Variants in UBAC2 observed in about 807,000 individuals in gnomAD.
UBAC2 encodes the protein ubiquitin-associated domain-containing protein 2.
In UBAC2, 26 loss-of-function variants were observed where a neutral mutation model predicts 44.0. The ratio of observed to expected loss-of-function variants is 0.59; its 90% CI spans 0.43 to 0.82. The LOEUF is 0.82. UBAC2 is among the 40% of genes least tolerant of loss of function. The probability of loss-of-function intolerance (pLI) is 0.00; values close to 1 mark genes in which losing one functional copy is unlikely to be tolerated. For synonymous variants in UBAC2, 155 were observed against 154.3 expected (o/e 1.00, Z -0.04); for missense variants, 329 against 419.4 (o/e 0.78, Z 1.88).
chr13:99,269,601 C>T (rs1424468734), intron 4 of UBAC2, among the ~76,000 whole-genome samples: 1 of 152,120 alleles, frequency 6.6e-6, no homozygotes, highest in Non-Finnish European at 1.5e-5. Flanking sequence ...AAAATCCTGA[C>T]ACCATTAAGG....
intron 4 of UBAC2, among the ~76,000 whole-genome samples, chr13:99,280,284 C>T (rs1261818228): frequency 2.6e-5 from 4 of 152,224 alleles, no homozygotes; most frequent in African/African-American, 9.6e-5. Context: ...TCATTCCTTC[C>T]TTGTACTCTG....
chr13:99,238,298 A>G, intron 1 of UBAC2, 129 bp from the exon 2 acceptor site: 1 of 1,274,390 alleles, frequency 7.8e-7, no homozygotes, highest in South Asian at 1.6e-5. Flanking sequence ...TATTAGAACC[A>G]AATTTCAGAG....
chr13:99,295,343 A>G lies in UBAC2; in HGVS notation c.390-18754A>G, dbSNP rs746313675. On this transcript the variant is annotated intron_variant, in intron 4 of 8. Transcript: ENST00000403766. This position sits in a 1 kb window ranked among gnomAD's most constrained non-coding sequence, Gnocchi z 4.1. Reference sequence around the variant, plus strand: ...ATTAGAGAAACGAAGCTTCTTAATCATATGTTGAATAATTGCAACATGGTA... The same window carrying G: ...ATTAGAGAAACGAAGCTTCTTAATCGTATGTTGAATAATTGCAACATGGTA... 2 of 1,614,098 alleles carry G rather than the reference A, an allele frequency of 1.2e-6. No individual in the cohort carries two copies. Among genetic ancestry groups the G allele is most frequent in the South Asian group, 1.1e-5 (1 of 91,082 alleles).
At position 99,229,319 on chromosome 13, in the gene UBAC2, A is replaced by G. The variant is rs534951384; in HGVS notation, c.32-9108A>G. 3.9e-5 allele frequency among the ~76,000 whole-genome samples: 6 copies of G among 152,362 alleles called. No homozygotes were observed. In the South Asian group the frequency reaches 1.2e-3, roughly 32 times the overall value. On this transcript the variant is annotated intron_variant, in intron 1 of 8. Transcript: ENST00000403766. ...CTGCATAAGATTTAGATAAGGGAGT[A>G]TCTGTGCTAATAAGGAAGGCATTGA...
intron 6 of UBAC2, among the ~76,000 whole-genome samples, chr13:99,332,987 C>T (rs527554917): frequency 1.3e-5 from 2 of 152,296 alleles, no homozygotes; most frequent in South Asian, 2.1e-4. Context: ...TTAGGTCAGG[C>T]ATGGTGGCTC....
At chr13:99,368,688 A>AGT (rs35193753) in intron 8 of UBAC2, among the ~76,000 whole-genome samples, 10,291 of 146,570 alleles carry the variant, frequency 0.07, 392 homozygotes, top group Non-Finnish European at 0.085. Flanking sequence ...CTCATGAGAG[A>AGT]GTGTGTGTGT....
At chr13:99,352,437 T>A (rs1311246126) in intron 7 of UBAC2, among the ~76,000 whole-genome samples, 1 of 152,248 alleles carries the variant, frequency 6.6e-6, no homozygotes, top group East Asian at 1.9e-4. Context: ...ATGTAGCTGA[T>A]CTTTATGACT....
At chr13:99,305,260 T>G (rs1594108813) in intron 4 of UBAC2, among the ~76,000 whole-genome samples, 1 of 150,504 alleles carries the variant, frequency 6.6e-6, no homozygotes, top group Middle Eastern at 3.4e-3. Context: ...CAGCCATCTG[T>G]GTTACTGTCA....
intron 4 of UBAC2, chr13:99,294,924 G>T: frequency 1.1e-6 from 1 of 901,504 alleles, no homozygotes. Context: ...TTCCGAGTTG[G>T]AGATGGGAAA....
chr13:99,342,006 T>C (rs61970341), intron 7 of UBAC2, among the ~76,000 whole-genome samples: 4,673 of 152,322 alleles, frequency 0.031, 97 homozygotes, highest in Middle Eastern at 0.13. Flanking sequence ...AGATTCTCCA[T>C]TGGAGAGCTT....
chr13:99,209,705 G>A (rs1447117462), intron 1 of UBAC2, among the ~76,000 whole-genome samples: 1 of 152,246 alleles, frequency 6.6e-6, no homozygotes, highest in Non-Finnish European at 1.5e-5. Flanking sequence ...TGGGCATAGT[G>A]GCTCACGCCT....
chr13:99,342,807 G>C (rs761420584), intron 7 of UBAC2, among the ~76,000 whole-genome samples: 10 of 152,218 alleles, frequency 6.6e-5, no homozygotes, highest in African/African-American at 2.4e-4. Context: ...AGATCCACAC[G>C]TGTAATTGCC....
chr13:99,229,923 G>A (rs1489814121), intron 1 of UBAC2, among the ~76,000 whole-genome samples: 1 of 152,192 alleles, frequency 6.6e-6, no homozygotes, highest in African/African-American at 2.4e-5. Context: ...AACAGTGTTT[G>A]CCTTCTTCCT....
chr13:99,290,181 C>G (rs1047324824), intron 4 of UBAC2, among the ~76,000 whole-genome samples: 1 of 152,108 alleles, frequency 6.6e-6, no homozygotes, highest in African/African-American at 2.4e-5. Flanking sequence ...CTGGAAAGTG[C>G]GACTGATAAA....
At chr13:99,211,934 TCTC>T (rs1483445125) in intron 1 of UBAC2, among the ~76,000 whole-genome samples, 1 of 152,126 alleles carries the variant, frequency 6.6e-6, no homozygotes, top group South Asian at 2.1e-4. Flanking sequence ...CCATGCTCCT[TCTC>T]CTGGCTGCCA....
At chr13:99,372,142 C>T (rs902480606) in intron 8 of UBAC2, 6 of 152,298 alleles carry the variant, frequency 3.9e-5, no homozygotes, top group Non-Finnish European at 5.9e-5. Context: ...GCGCCCTGTG[C>T]TGCCTGGCCT....
chr13:99,200,871 C>T lies in UBAC2; in HGVS notation c.-38C>T, dbSNP rs760650640. On this transcript the variant is annotated 5_prime_UTR_variant, in exon 1 of 9. Transcript: ENST00000403766. Reference sequence around the variant, plus strand: ...TGGGGCTCGCACTTCAGCTTCCCCTCCCCCGGCGCCCTCTGGGGCTCCGAG... The same window carrying T: ...TGGGGCTCGCACTTCAGCTTCCCCTTCCCCGGCGCCCTCTGGGGCTCCGAG... 5.4e-6 allele frequency: 7 copies of T among 1,290,016 alleles called. No homozygotes were observed. Among genetic ancestry groups the T allele is most frequent in the Non-Finnish European group, 5.9e-6 (6 of 1,009,628 alleles). The allele number at this position is 1,290,016 out of a possible 1,614,324, so 79.9% of individuals were successfully genotyped here.
chr13:99,379,939 C>T (rs2045528980), intron 8 of UBAC2, among the ~76,000 whole-genome samples: 1 of 152,314 alleles, frequency 6.6e-6, no homozygotes, highest in South Asian at 2.1e-4. Flanking sequence ...GTGAGTGACG[C>T]ACGTGGGTTT....
intron 1 of UBAC2, among the ~76,000 whole-genome samples, chr13:99,236,962 G>A (rs1594030972): frequency 7.6e-6 from 1 of 131,714 alleles, no homozygotes; most frequent in East Asian, 2.1e-4. Flanking sequence ...ATGGAAAACA[G>A]TATGGAGGTT....
Sources: gnomAD v4.1 joint callset for allele counts (sites outside exome capture counted in the v4.1 genomes callset) on GRCh38, gnomAD v4.1.1 for gene constraint, Gnocchi (gnomAD v3.1) non-coding constraint, MANE v1.5 for transcripts, NCBI Gene and HGNC (gene_info 2026-07-23, HGNC 2026-07-21) for gene names.